The following PTCHD4 variants were observed in gnomAD, a reference collection of about 807,000 sequenced individuals.
PTCHD4 encodes the protein patched domain containing 4.
A neutral mutation model predicts 58.1 loss-of-function variants in PTCHD4; 33 were observed. The observed-to-expected ratio is 0.57, with a 90% CI of 0.43 to 0.76. The LOEUF is 0.76. Among genes scored for constraint, PTCHD4 ranks in the 30% least tolerant of loss-of-function variants. The probability of loss-of-function intolerance (pLI) is 0.00; values close to 1 mark genes in which losing one functional copy is unlikely to be tolerated. For synonymous variants in PTCHD4, 478 were observed against 409.6 expected (o/e 1.17, Z -2.02); for missense variants, 1,058 against 1,027.1 (o/e 1.03, Z -0.41).
chr6:47,980,243 G>A (rs1767830943), intron 4 of PTCHD4, among the ~76,000 whole-genome samples: 1 of 151,848 alleles, frequency 6.6e-6, no homozygotes, highest in Non-Finnish European at 1.5e-5. Context: ...TATAACAAGG[G>A]TAAATTCATG....
chr6:47,879,960 A>T (rs1763972811), intron 4 of PTCHD4, 24 bp from the exon 5 acceptor site: 1 of 1,440,444 alleles, frequency 6.9e-7, no homozygotes, highest in Non-Finnish European at 9.2e-7. Flanking sequence ...AAAAGAAAAT[A>T]ATAATTATTT....
chr6:48,022,207 TTC>T (rs1763095728), intron 3 of PTCHD4, among the ~76,000 whole-genome samples: 1 of 151,720 alleles, frequency 6.6e-6, no homozygotes. Context: ...CTCCCTTTAT[TTC>T]TCTCTCTAAC....
chr6:48,091,853 TTGGCTAGGC>T (rs1765371975), intron 1 of PTCHD4, among the ~76,000 whole-genome samples: 1 of 152,102 alleles, frequency 6.6e-6, no homozygotes, highest in Non-Finnish European at 1.5e-5. Flanking sequence ...TTTTGCCATG[TTGGCTAGGC>T]TGGTCTCGAA....
chr6:47,981,738 A>G (rs1361847294), intron 4 of PTCHD4, among the ~76,000 whole-genome samples: 1 of 152,136 alleles, frequency 6.6e-6, no homozygotes, highest in African/African-American at 2.4e-5. Flanking sequence ...CTCCCTCACT[A>G]AATCTGCTTG....
In PTCHD4 at chr6:48,068,119, C is replaced by G; in HGVS notation, c.417+111G>C. ...CTGTTGTCTTATTGGAGACGGCAGCCTGCCTGAGATCCTCTAGCACTGAAA... is the reference window on the plus strand; with the variant it reads ...CTGTTGTCTTATTGGAGACGGCAGCGTGCCTGAGATCCTCTAGCACTGAAA... On this transcript the variant is annotated intron_variant, in intron 3 of 4. Coordinates refer to ENST00000339488, the MANE Select transcript of PTCHD4 (RefSeq NM_001384253.1). This position sits in a 1 kb window ranked among gnomAD's most constrained non-coding sequence, Gnocchi z 4.2. 8.2e-7 allele frequency: 1 copy of G among 1,216,718 alleles called. No individual in the cohort carries two copies. The highest frequency in any genetic ancestry group is 1.1e-6 in the Non-Finnish European group (1 of 873,962). The allele number at this position is 1,216,718 out of a possible 1,614,324, so 75.4% of individuals were successfully genotyped here.
intron 3 of PTCHD4, among the ~76,000 whole-genome samples, chr6:48,040,472 GA>G (rs11335428): frequency 0.86 from 129,708 of 150,432 alleles, 55,847 homozygotes; most frequent in Non-Finnish European, 0.87. Context: ...AGAAAGAAAG[GA>G]AAAAAAAAAA....
At chr6:48,017,416 G>T (rs564879497) in intron 3 of PTCHD4, among the ~76,000 whole-genome samples, 1 of 151,972 alleles carries the variant, frequency 6.6e-6, no homozygotes. Flanking sequence ...GAAAAAGGCC[G>T]TGATGTAGTT....
intron 4 of PTCHD4, among the ~76,000 whole-genome samples, chr6:47,905,271 C>G (rs1764841183): frequency 6.6e-6 from 1 of 152,112 alleles, no homozygotes; most frequent in African/African-American, 2.4e-5. Context: ...ATATACCACT[C>G]TGGCTGCAGT....
At chr6:47,884,144 C>T (rs575509405) in intron 4 of PTCHD4, among the ~76,000 whole-genome samples, 1 of 152,002 alleles carries the variant, frequency 6.6e-6, no homozygotes, top group East Asian at 1.9e-4. Flanking sequence ...ATTTATGTAT[C>T]TACCCATCTG....
rs1763965341 is a variant in PTCHD4 at position 47,879,790 on chromosome 6, CA to C, written c.1044del (p.Phe348LeufsTer11). Reference sequence around the variant, plus strand: ...TTTGTGAATGGGCTGGCACCCATGCCAAAAGTGATGAAGTACAGGGAGCTGG... The same window carrying C: ...TTTGTGAATGGGCTGGCACCCATGCCAAAGTGATGAAGTACAGGGAGCTGG... ...TMTSSLYFIT[F>X]GMGASPFTNI... On this transcript the variant is annotated frameshift_variant, in exon 5 of 5. Transcript: ENST00000339488. LOFTEE classifies it high-confidence loss of function. The C allele has an allele frequency of 6.2e-7, 1 of 1,613,436 alleles. No individual in the cohort carries two copies. Among genetic ancestry groups the C allele is most frequent in the African/African-American group, 1.3e-5 (1 of 74,826 alleles).
chr6:48,004,619 T>C (rs1213505640), intron 4 of PTCHD4, among the ~76,000 whole-genome samples: 4 of 152,114 alleles, frequency 2.6e-5, no homozygotes, highest in African/African-American at 9.7e-5. Context: ...CTTTCAAGTA[T>C]TTTTTTAAAA....
intron 4 of PTCHD4, among the ~76,000 whole-genome samples, chr6:47,903,923 C>A (rs1764793692): frequency 1.3e-5 from 2 of 152,040 alleles, no homozygotes; most frequent in South Asian, 4.2e-4. Flanking sequence ...TAGAAGATGG[C>A]CTGAAAGAAG....
intron 4 of PTCHD4, among the ~76,000 whole-genome samples, chr6:47,921,109 C>T (rs1765418982): frequency 2.0e-5 from 3 of 152,118 alleles, no homozygotes; most frequent in Non-Finnish European, 4.4e-5. Context: ...ATTATTGTCA[C>T]TACTCTAAAT....
chr6:47,948,195 C>T (rs1474964069), intron 4 of PTCHD4, among the ~76,000 whole-genome samples: 1 of 152,196 alleles, frequency 6.6e-6, no homozygotes, highest in Non-Finnish European at 1.5e-5. Context: ...TTGGGGCCTC[C>T]ATTTAGTGCT....
At chr6:48,044,115 T>C (rs1328982489) in intron 3 of PTCHD4, among the ~76,000 whole-genome samples, 1 of 151,802 alleles carries the variant, frequency 6.6e-6, no homozygotes, top group Non-Finnish European at 1.5e-5. Flanking sequence ...CTGTTTTGTG[T>C]ATTTTCATTA....
At chr6:48,074,369 C>CTGTGGG (rs1765024549) in intron 1 of PTCHD4, among the ~76,000 whole-genome samples, 1 of 152,180 alleles carries the variant, frequency 6.6e-6, no homozygotes, top group African/African-American at 2.4e-5. Context: ...TTGCCCATGC[C>CTGTGGG]CACAGCTTGA....
chr6:47,981,956 CT>C (rs5876039), intron 4 of PTCHD4, among the ~76,000 whole-genome samples: 18,454 of 152,166 alleles, frequency 0.12, 1,446 homozygotes, highest in South Asian at 0.2. Context: ...GTAGATAAGG[CT>C]CTCTTGGGAC....
At chr6:47,931,336 A>G (rs541285351) in intron 4 of PTCHD4, among the ~76,000 whole-genome samples, 5 of 152,356 alleles carry the variant, frequency 3.3e-5, no homozygotes, top group Admixed American at 1.3e-4. Context: ...TGAGAGTCCA[A>G]TCAGAGTTAT....
At chr6:48,066,577 C>A (rs1344455748) in intron 3 of PTCHD4, among the ~76,000 whole-genome samples, 2 of 152,270 alleles carry the variant, frequency 1.3e-5, no homozygotes, top group African/African-American at 2.4e-5. Context: ...CTTTAGCAAG[C>A]AATAATGTTG....
Sources: allele counts gnomAD v4.1 joint callset (sites outside exome capture counted in the v4.1 genomes callset), GRCh38; gene constraint gnomAD v4.1.1; non-coding constraint Gnocchi (gnomAD v3.1); transcripts MANE v1.5; gene names NCBI Gene and HGNC (gene_info 2026-07-23, HGNC 2026-07-21).